Variants in ZMYM4 observed in about 807,000 individuals in gnomAD.
The protein encoded by ZMYM4 is zinc finger MYM-type protein 4.
A neutral mutation model predicts 183.2 loss-of-function variants in ZMYM4; 31 were observed. The observed-to-expected ratio is 0.17, with a 90% CI of 0.13 to 0.23. The LOEUF (loss-of-function observed/expected upper bound fraction) is 0.23, where lower values mean the gene tolerates loss of function less well. ZMYM4 is among the 10% of genes least tolerant of loss of function. The pLI is 1.00. For synonymous variants in ZMYM4, 592 were observed against 631.2 expected (o/e 0.94, Z 0.93); for missense variants, 1,273 against 1,840.3 (o/e 0.69, Z 5.64).
intron 2 of ZMYM4, among the ~76,000 whole-genome samples, chr1:35,345,058 A>G (rs1048387210): frequency 6.6e-6 from 1 of 152,180 alleles, no homozygotes; most frequent in Non-Finnish European, 1.5e-5. Context: ...CATCATGGAA[A>G]TGTTCTTGTA....
At chr1:35,384,903 G>A (rs563105757) in intron 9 of ZMYM4, among the ~76,000 whole-genome samples, 1 of 149,382 alleles carries the variant, frequency 6.7e-6, no homozygotes, top group African/African-American at 2.5e-5. Flanking sequence ...GAGTGCAGTG[G>A]CACGATCTCA....
At chr1:35,286,090 A>G (rs1044091924) in intron 1 of ZMYM4, among the ~76,000 whole-genome samples, 5 of 152,178 alleles carry the variant, frequency 3.3e-5, no homozygotes, top group African/African-American at 1.2e-4. Flanking sequence ...ATTGGACAGG[A>G]AGAAGTAAAA....
At chr1:35,272,961 G>A (rs1365183464) in intron 1 of ZMYM4, among the ~76,000 whole-genome samples, 2 of 152,048 alleles carry the variant, frequency 1.3e-5, no homozygotes, top group African/African-American at 2.4e-5. Context: ...TGATCCACCC[G>A]CCTCGGCCTC....
At chr1:35,276,044 T>C (rs1639854877) in intron 1 of ZMYM4, among the ~76,000 whole-genome samples, 1 of 152,192 alleles carries the variant, frequency 6.6e-6, no homozygotes, top group South Asian at 2.1e-4. Flanking sequence ...TTTTTTGTTT[T>C]GTTTTGGTCT....
chr1:35,292,550 T>C (rs989052395), intron 1 of ZMYM4: 5 of 152,386 alleles, frequency 3.3e-5, no homozygotes, highest in African/African-American at 4.8e-5. Context: ...CAGCCTGGAG[T>C]GCAATGGCAT....
chr1:35,356,920 A>G lies in ZMYM4; in HGVS notation c.86-2005A>G, dbSNP rs114845564. ...AAGAAACAGGGGGTTGCCCTGTCAC[A>G]TCACCCAGGCTGGAGTGCAGTGGCA... On this transcript the variant is annotated intron_variant, in intron 2 of 29. Transcript: ENST00000314607. 6.2e-3 allele frequency among the ~76,000 whole-genome samples: 937 copies of G among 152,176 alleles called. 7 individuals are homozygous for G. The highest frequency in any genetic ancestry group is 0.01 in the Middle Eastern group (3 of 294).
intron 2 of ZMYM4, among the ~76,000 whole-genome samples, chr1:35,349,217 A>G (rs767076902): frequency 6.6e-6 from 1 of 152,028 alleles, no homozygotes; most frequent in Admixed American, 6.6e-5. Context: ...CGAACTCCTG[A>G]CCTCAAGTGA....
At chr1:35,401,166 A>G (rs1320771130) in intron 23 of ZMYM4, among the ~76,000 whole-genome samples, 1 of 152,196 alleles carries the variant, frequency 6.6e-6, no homozygotes, top group Non-Finnish European at 1.5e-5. Flanking sequence ...GCTAGGTTTT[A>G]TGCTTATGTG....
intron 2 of ZMYM4, chr1:35,350,932 A>T: frequency 1.5e-6 from 1 of 660,420 alleles, no homozygotes; most frequent in East Asian, 2.5e-5. Flanking sequence ...ATAGAGGGGG[A>T]TATGATAGTC....
chr1:35,377,319 T>C (rs1399650618), intron 7 of ZMYM4, among the ~76,000 whole-genome samples: 2 of 152,228 alleles, frequency 1.3e-5, no homozygotes, highest in African/African-American at 4.8e-5. Context: ...TAAAACCTAA[T>C]TTTAAAAATA....
rs138722804 is a variant in ZMYM4, at chr1:35,351,940, T to C, written c.86-6985T>C. On this transcript the variant is annotated intron_variant, in intron 2 of 29. Coordinates refer to ENST00000314607, the MANE Select transcript of ZMYM4 (RefSeq NM_005095.3). ...TGTTCTTAAATTACTTAAAATAACT[T>C]TATTCTCCTTGTGCAAAATCTAAGT... Among the ~76,000 whole-genome samples the C allele has an allele frequency of 3.5e-3, 527 of 152,280 alleles. 2 individuals carry two copies. Among genetic ancestry groups the C allele is most frequent in the Non-Finnish European group, 4.8e-3 (328 of 68,018 alleles).
chr1:35,317,578 C>T (rs547016453), intron 1 of ZMYM4, among the ~76,000 whole-genome samples: 8 of 152,172 alleles, frequency 5.3e-5, no homozygotes, highest in Non-Finnish European at 8.8e-5. Flanking sequence ...TAATTACAAG[C>T]CAACCGAAGG....
intron 1 of ZMYM4, among the ~76,000 whole-genome samples, chr1:35,312,339 CT>C (rs1222547979): frequency 1.1e-4 from 16 of 152,158 alleles, no homozygotes. Flanking sequence ...TCCTCTGCTT[CT>C]GGAACTCTGA....
intron 26 of ZMYM4, among the ~76,000 whole-genome samples, chr1:35,409,160 C>T (rs1294988881): frequency 6.6e-6 from 1 of 152,220 alleles, no homozygotes; most frequent in African/African-American, 2.4e-5. Context: ...GGATATACCA[C>T]ATGTTGTTTA....
chr1:35,278,089 T>A (rs1298996935), intron 1 of ZMYM4, among the ~76,000 whole-genome samples: 1 of 152,158 alleles, frequency 6.6e-6, no homozygotes, highest in African/African-American at 2.4e-5. Context: ...TTCTATCTTC[T>A]TGTGGCTTGG....
At chr1:35,368,061 G>GCACC (rs1644130246) in intron 5 of ZMYM4, among the ~76,000 whole-genome samples, 1 of 98,288 alleles carries the variant, frequency 1.0e-5, no homozygotes, top group Non-Finnish European at 2.0e-5. Flanking sequence ...CAAATCCAGC[G>GCACC]CCCCCCCCCC....
In ZMYM4 at chr1:35,386,963, A is replaced by G. The variant is rs780910515; in HGVS notation, c.1837-40A>G. On this transcript the variant is annotated intron_variant, in intron 11 of 29. Coordinates refer to ENST00000314607, the MANE Select transcript of ZMYM4 (RefSeq NM_005095.3). ...GCACACAATACTTCTTTGTTTTAAC[A>G]AAGATTAAATTGATACTTTTTGTTG... 17 of 1,585,754 alleles carry G rather than the reference A, an allele frequency of 1.1e-5. No individual in the cohort carries two copies. In the Admixed American group the frequency reaches 3.0e-4, roughly 28 times the overall value.
intron 1 of ZMYM4, among the ~76,000 whole-genome samples, chr1:35,286,779 T>A (rs1393342899): frequency 1.5e-4 from 10 of 67,606 alleles, no homozygotes; most frequent in African/African-American, 1.1e-3. Context: ...ATAATTTTTT[T>A]TTTTTTTTTT....
chr1:35,313,992 GCTTAA>G (rs1398628657), intron 1 of ZMYM4, among the ~76,000 whole-genome samples: 1 of 152,062 alleles, frequency 6.6e-6, no homozygotes, highest in Admixed American at 6.6e-5. Flanking sequence ...TCACACCTCT[GCTTAA>G]CTTTAGGTAT....
Sources: allele counts gnomAD v4.1 joint callset (sites outside exome capture counted in the v4.1 genomes callset), GRCh38; gene constraint gnomAD v4.1.1; transcripts MANE v1.5; gene names NCBI Gene and HGNC (gene_info 2026-07-23, HGNC 2026-07-21).